Variants in TFEB observed in about 807,000 individuals in gnomAD.
The protein encoded by TFEB is T-cell transcription factor EB.
A neutral mutation model predicts 48.0 loss-of-function variants in TFEB; 12 were observed. The ratio of observed to expected loss-of-function variants is 0.25; its 90% CI spans 0.16 to 0.40. The LOEUF is 0.40. TFEB is among the 10% of genes least tolerant of loss of function. TFEB has a pLI of 1.00. For synonymous variants in TFEB, 244 were observed against 261.4 expected (o/e 0.93, Z 0.64); for missense variants, 509 against 640.3 (o/e 0.79, Z 2.21).
chr6:41,709,053 G>C (rs1157667869), intron 1 of TFEB, among the ~76,000 whole-genome samples: 3 of 152,240 alleles, frequency 2.0e-5, no homozygotes, highest in African/African-American at 7.2e-5. Context: ...GCAAATGCCA[G>C]TAGGACTAGA....
chr6:41,704,974 G>A (rs1319534683), intron 1 of TFEB, among the ~76,000 whole-genome samples: 2 of 152,176 alleles, frequency 1.3e-5, no homozygotes, highest in Non-Finnish European at 2.9e-5. Flanking sequence ...CTTCAAAGCC[G>A]AGATGGTTAC....
Position 41,734,798 on chromosome 6 carries a change from C to G in TFEB, c.-23+552G>C. On this transcript the variant is annotated intron_variant, in intron 1 of 8. Transcript: ENST00000373033. The surrounding 1 kb of genome is among the most constrained non-coding windows in gnomAD (Gnocchi z 4.0). ...AAGGGAGGGAGAGATGGTACTTCCA[C>G]CCGCCCCCCCATCAGCCCAGCCCCC... The G allele has an allele frequency of 2.6e-6, 2 of 780,610 alleles. No homozygotes were observed. Among genetic ancestry groups the G allele is most frequent in the Non-Finnish European group, 3.1e-6 (2 of 642,670 alleles). 48.4% of individuals were successfully genotyped at this position (780,610 alleles called of 1,614,324 possible).
Position 41,720,228 on chromosome 6 carries a change from C to T in TFEB, c.-23+15122G>A, listed in dbSNP as rs1407088233. 6.6e-6 allele frequency among the ~76,000 whole-genome samples: 1 copy of T among 152,144 alleles called. No homozygotes were observed. Among genetic ancestry groups the T allele is most frequent in the African/African-American group, 2.4e-5 (1 of 41,424 alleles). Reference sequence around the variant, plus strand: ...CTGGGGTACTCAATGAAGAGTGGAGCTTTAGAGGTTGGGGGTTCCCAGATT... The same window carrying T: ...CTGGGGTACTCAATGAAGAGTGGAGTTTTAGAGGTTGGGGGTTCCCAGATT... On this transcript the variant is annotated intron_variant, in intron 1 of 8. Transcript: ENST00000373033. The surrounding 1 kb of genome is among the most constrained non-coding windows in gnomAD (Gnocchi z 4.1).
chr6:41,692,014 T>C (rs1561853057), intron 1 of TFEB, among the ~76,000 whole-genome samples: 1 of 152,228 alleles, frequency 6.6e-6, no homozygotes, highest in East Asian at 1.9e-4. Context: ...CATGGCTCAC[T>C]CCTTCACCTC....
At chr6:41,731,435 T>C (rs1039438781) in intron 1 of TFEB, among the ~76,000 whole-genome samples, 3 of 152,230 alleles carry the variant, frequency 2.0e-5, no homozygotes, top group African/African-American at 7.2e-5. Context: ...AGCTCAATTC[T>C]GCGGACTGCA....
intron 3 of TFEB, 122 bp from the exon 4 acceptor site, chr6:41,689,933 G>A: frequency 1.5e-6 from 1 of 681,950 alleles, no homozygotes; most frequent in Non-Finnish European, 2.6e-6. Context: ...CTACTTATCT[G>A]GGGAAAGAGG....
Position 41,697,504 on chromosome 6 carries a change from C to CG in TFEB, c.-22-6270_-22-6269insC, listed in dbSNP as rs537860953. Among the ~76,000 whole-genome samples the CG allele has an allele frequency of 4.5e-4, 7 of 15,494 alleles. 1 individual carries two copies. The highest frequency in any genetic ancestry group is 2.6e-3 in the African/African-American group (5 of 1,898). 10.2% of individuals were successfully genotyped at this position (15,494 alleles called of 152,430 possible). A position where few individuals can be genotyped will look rare whatever the true frequency, so the allele number is the denominator to read the frequency against. On this transcript the variant is annotated intron_variant, in intron 1 of 8. Transcript: ENST00000373033. ...TCACCAACACCACCCCTTCTCCAAA[C>CG]CCCCCCCCTTCCCCAAGTGTGTCTA...
chr6:41,689,680 G>T, intron 4 of TFEB, 51 bp downstream of exon 4: 1 of 1,440,582 alleles, frequency 6.9e-7, no homozygotes, highest in Non-Finnish European at 9.8e-7. Flanking sequence ...CACAGTGGGT[G>T]CCCCCCTCCC....
intron 7 of TFEB, chr6:41,686,504 CTTTCTT>C: frequency 8.2e-5 from 22 of 267,248 alleles, no homozygotes; most frequent in African/African-American, 4.3e-4. Flanking sequence ...CCCAGCCTAC[CTTTCTT>C]TTTTTTTTTT....
At chr6:41,735,955 A>G (rs1406367884), upstream of TFEB, among the ~76,000 whole-genome samples, 3 of 152,206 alleles carry the variant, frequency 2.0e-5, no homozygotes, top group African/African-American at 7.2e-5. Flanking sequence ...TGCTGTTGCC[A>G]TAGAAACTCC....
At chr6:41,733,940 C>CCCCTG in intron 1 of TFEB, 1 of 963,724 alleles carries the variant, frequency 1.0e-6, no homozygotes, top group Non-Finnish European at 1.2e-6. Context: ...GGAATCTCGG[C>CCCCTG]CAGGGCGGGT....
chr6:41,708,524 T>C (rs1055003445), intron 1 of TFEB, among the ~76,000 whole-genome samples: 1 of 152,224 alleles, frequency 6.6e-6, no homozygotes, highest in African/African-American at 2.4e-5. Flanking sequence ...AAGCATATTC[T>C]GCAGAGGCCT....
At position 41,687,890 on chromosome 6, in the gene TFEB, G is replaced by A. The variant is rs375380402; in HGVS notation, c.670+18C>T. On this transcript the variant is annotated intron_variant, in intron 5 of 8. Transcript: ENST00000373033. ...GGAGTCGGGTATTCAAAGGCACAGG[G>A]GTAGAGGGAGGCAGTACCTGTGAGC... is the stretch of plus-strand genomic sequence containing the variant. The A allele has an allele frequency of 4.3e-6, 7 of 1,612,284 alleles. No individual in the cohort carries two copies. In the African/African-American group the frequency reaches 9.3e-5, roughly 21 times the overall value.
Position 41,703,686 on chromosome 6 carries a change from G to A in TFEB, c.-22-12451C>T, listed in dbSNP as rs568784349. Among the ~76,000 whole-genome samples the A allele has an allele frequency of 4.1e-4, 63 of 152,370 alleles. 1 individual carries two copies. The highest frequency in any genetic ancestry group is 8.3e-4 in the South Asian group (4 of 4,830). The stretch of plus-strand genomic sequence containing the variant: ...ATCTATGAGCATGGACGATTGCATT[G>A]AATTCACAGAAGGTGGCCTGTTTTC... On this transcript the variant is annotated intron_variant, in intron 1 of 8. Transcript: ENST00000373033.
At chr6:41,709,629 G>A (rs374905881) in intron 1 of TFEB, among the ~76,000 whole-genome samples, 4 of 151,984 alleles carry the variant, frequency 2.6e-5, no homozygotes, top group Admixed American at 1.3e-4. Flanking sequence ...TATAATGGTG[G>A]GTGGATGGAT....
At position 41,684,868 on chromosome 6, in the gene TFEB, G is replaced by T; in HGVS notation, c.1162C>A (p.Pro388Thr). 5 of 1,570,666 alleles carry T rather than the reference G, an allele frequency of 3.2e-6. No homozygotes were observed. The highest frequency in any genetic ancestry group is 2.4e-5 in the South Asian group (2 of 84,380). Residue 388 changes from proline to threonine, a missense_variant, in exon 9 of 9, where the codon CCA becomes ACA. This residue lies in a region of TFEB where 168 missense variants were observed against 161.0 expected (regional missense o/e 1.04). Coordinates refer to ENST00000373033, the MANE Select transcript of TFEB (RefSeq NM_001271944.2). Reference sequence around the variant, plus strand: ...AAGTCCAGGTGATGGAATGGGGATGGTGGCTGGGTGGGCAGGGGCAGCGGG... The same window carrying T: ...AAGTCCAGGTGATGGAATGGGGATGTTGGCTGGGTGGGCAGGGGCAGCGGG... Reference protein sequence around the residue: ...QAPLPLPTQPPSPFHHLDFSH... With the variant: ...QAPLPLPTQPTSPFHHLDFSH...
chr6:41,719,409 G>A (rs142758527), intron 1 of TFEB, among the ~76,000 whole-genome samples: 8 of 152,148 alleles, frequency 5.3e-5, no homozygotes, highest in African/African-American at 9.7e-5. Context: ...TGTCTTCCAC[G>A]AAACCAGTCC....
rs146152904 is a variant in TFEB, at chr6:41,688,342, T to C, written c.550-314A>G. The C allele has an allele frequency of 1.3e-4, 36 of 273,430 alleles. No homozygotes were observed. The East Asian group carries it at 2.0e-3, about 15-fold the overall frequency. 16.9% of individuals were successfully genotyped at this position (273,430 alleles called of 1,614,324 possible). ...AGGTCATCTAATCAATTCTAGAGTT[T>C]CTGGACGGTTTCCTGGAGGGTGTGG... On this transcript the variant is annotated intron_variant, in intron 4 of 8. Transcript: ENST00000373033.
At chr6:41,714,300 G>A (rs1296770524) in intron 1 of TFEB, among the ~76,000 whole-genome samples, 3 of 152,176 alleles carry the variant, frequency 2.0e-5, no homozygotes, top group East Asian at 1.9e-4. Flanking sequence ...GAAAAGAGAC[G>A]GTGAGAACCA....
Sources: allele counts gnomAD v4.1 joint callset (sites outside exome capture counted in the v4.1 genomes callset), GRCh38; gene constraint gnomAD v4.1.1; regional missense constraint gnomAD v4.1.1; non-coding constraint Gnocchi (gnomAD v3.1); transcripts MANE v1.5; gene names NCBI Gene and HGNC (gene_info 2026-07-23, HGNC 2026-07-21).